EYS: variants seen among roughly 807,000 people sequenced by gnomAD.
The protein encoded by EYS is protein eyes shut homolog.
In EYS, 250 loss-of-function variants were observed where a neutral mutation model predicts 282.1. The ratio of observed to expected loss-of-function variants is 0.89; its 90% CI spans 0.80 to 0.98. The LOEUF (loss-of-function observed/expected upper bound fraction) is 0.98, where lower values mean the gene tolerates loss of function less well. Ranked by LOEUF, EYS falls within the 50% of genes least tolerant of loss-of-function variation. The pLI, the probability that EYS is intolerant of heterozygous loss-of-function variation, is 0.00. For missense variants in EYS, 4,016 were observed against 3,709.0 expected (o/e 1.08, Z -2.15); for synonymous variants, 1,355 against 1,282.9 (o/e 1.06, Z -1.20).
intron 33 of EYS, among the ~76,000 whole-genome samples, chr6:64,059,394 A>T (rs1370447860): frequency 6.6e-6 from 1 of 152,200 alleles, no homozygotes; most frequent in African/African-American, 2.4e-5. Context: ...TAAAAGGCAC[A>T]AATGTGATTA....
intron 22 of EYS, among the ~76,000 whole-genome samples, chr6:64,791,288 ATGT>A (rs986842819): frequency 1.4e-4 from 21 of 151,806 alleles, no homozygotes; most frequent in Middle Eastern, 3.2e-3. Flanking sequence ...TGGTAAATAA[ATGT>A]TGTTAAAATT....
intron 41 of EYS, among the ~76,000 whole-genome samples, chr6:63,735,742 T>C (rs1340304082): frequency 6.6e-6 from 1 of 152,160 alleles, no homozygotes; most frequent in East Asian, 1.9e-4. Flanking sequence ...CAAGGTCTCT[T>C]TTTCCTTTCT....
chr6:64,404,452 G>A (rs1398562403), intron 28 of EYS, among the ~76,000 whole-genome samples: 1 of 151,994 alleles, frequency 6.6e-6, no homozygotes, highest in Admixed American at 6.6e-5. Context: ...AATAGGGAAA[G>A]CCTGGTCTTT....
chr6:64,343,850 C>T lies in EYS; in HGVS notation c.6079-36768G>A, dbSNP rs189498717. Among the ~76,000 whole-genome samples the T allele has an allele frequency of 1.8e-3, 280 of 151,842 alleles. 1 individual carries two copies. The highest frequency in any genetic ancestry group is 5.7e-3 in the African/African-American group (238 of 41,416). On this transcript the variant is annotated intron_variant, in intron 29 of 42. Transcript: ENST00000503581. ...AGAAAAGAGAGAAGAATCAAATAGA[C>T]GCAATAAAAAATGATAAAGGGGATA...
intron 33 of EYS, among the ~76,000 whole-genome samples, chr6:64,031,328 C>T (rs1019121359): frequency 1.2e-4 from 18 of 152,216 alleles, no homozygotes; most frequent in East Asian, 7.7e-4. Flanking sequence ...CTCAATTTCT[C>T]GCCAGGCCTT....
intron 1 of EYS, among the ~76,000 whole-genome samples, chr6:65,655,567 T>A (rs1393004853): frequency 6.6e-6 from 1 of 151,774 alleles, no homozygotes; most frequent in Non-Finnish European, 1.5e-5. Context: ...ACTTAAGGAT[T>A]TTTCATAAAA....
At chr6:64,603,494 G>C (rs1273542079) in intron 24 of EYS, among the ~76,000 whole-genome samples, 1 of 151,932 alleles carries the variant, frequency 6.6e-6, no homozygotes, top group African/African-American at 2.4e-5. Context: ...CATTAGACAG[G>C]AAATCATTCA....
intron 22 of EYS, among the ~76,000 whole-genome samples, chr6:64,633,058 G>T (rs1333848970): frequency 6.6e-6 from 1 of 152,072 alleles, no homozygotes; most frequent in Non-Finnish European, 1.5e-5. Flanking sequence ...TTTATATTAT[G>T]TATCTTGAAG....
intron 35 of EYS, among the ~76,000 whole-genome samples, chr6:63,926,104 GATCATCCT>G (rs1764710108): frequency 6.6e-6 from 1 of 152,158 alleles, no homozygotes; most frequent in East Asian, 1.9e-4. Context: ...TATCCACAGG[GATCATCCT>G]ATCAGCATGG....
chr6:64,028,592 G>T (rs139073305), intron 33 of EYS, among the ~76,000 whole-genome samples: 2,495 of 152,246 alleles, frequency 0.016, 47 homozygotes, highest in African/African-American at 0.05. Flanking sequence ...TGCACTCTGA[G>T]TCCCAGTTCC....
intron 29 of EYS, among the ~76,000 whole-genome samples, chr6:64,355,987 C>T (rs1044312189): frequency 9.2e-5 from 14 of 151,636 alleles, no homozygotes; most frequent in Non-Finnish European, 1.8e-4. Flanking sequence ...TCATTTACTC[C>T]TGACCACATG....
chr6:64,434,117 T>C (rs1280950886), intron 28 of EYS, among the ~76,000 whole-genome samples: 1 of 151,526 alleles, frequency 6.6e-6, no homozygotes, highest in East Asian at 1.9e-4. Flanking sequence ...CTGGTGATCT[T>C]ATTACAAGAG....
intron 19 of EYS, among the ~76,000 whole-genome samples, chr6:64,881,030 C>G (rs990940502): frequency 6.6e-6 from 1 of 151,546 alleles, no homozygotes; most frequent in Admixed American, 6.6e-5. Context: ...TTCTCTGACA[C>G]ACCTGGCCTG....
chr6:64,194,250 A>G (rs539292594), intron 31 of EYS, among the ~76,000 whole-genome samples: 46 of 151,950 alleles, frequency 3.0e-4, no homozygotes, highest in African/African-American at 9.9e-4. Flanking sequence ...TGTTCTTTAT[A>G]TTCAAGAAGT....
chr6:65,011,889 C>G (rs921215014), intron 13 of EYS, among the ~76,000 whole-genome samples: 4 of 152,180 alleles, frequency 2.6e-5, no homozygotes, highest in African/African-American at 7.2e-5. Flanking sequence ...GGCATTCGAG[C>G]TGGCAATGGC....
chr6:64,902,110 C>T lies in EYS; in HGVS notation c.2846+3G>A, dbSNP rs971026701. The T allele has an allele frequency of 1.3e-6, 2 of 1,531,316 alleles. No individual in the cohort carries two copies. Among genetic ancestry groups the T allele is most frequent in the Non-Finnish European group, 1.8e-6 (2 of 1,134,816 alleles). 94.9% of individuals were successfully genotyped at this position (1,531,316 alleles called of 1,614,324 possible). A position where few individuals can be genotyped will look rare whatever the true frequency, so the allele number is the denominator to read the frequency against. The stretch of plus-strand genomic sequence containing the variant: ...ATTAATTTAATAAAAAGTAGCTTCT[C>T]ACCTGTTTGTCAGATCCACACATGT... On this transcript the variant is annotated splice_donor_region_variant and intron_variant, in intron 18 of 42. Coordinates refer to ENST00000503581, the MANE Select transcript of EYS (RefSeq NM_001142800.2).
At chr6:64,177,332 C>CTG (rs1166487601) in intron 31 of EYS, among the ~76,000 whole-genome samples, 3 of 147,424 alleles carry the variant, frequency 2.0e-5, no homozygotes, top group African/African-American at 7.8e-5. Context: ...ATTTCACACA[C>CTG]TGTATATATA....
chr6:63,868,591 A>C (rs1772724973), intron 35 of EYS, among the ~76,000 whole-genome samples: 1 of 152,082 alleles, frequency 6.6e-6, no homozygotes, highest in Non-Finnish European at 1.5e-5. Context: ...GTCTCCAGAT[A>C]GTTCTGAAAA....
chr6:65,698,714 G>A (rs2149850303), intron 1 of EYS, among the ~76,000 whole-genome samples: 1 of 152,180 alleles, frequency 6.6e-6, no homozygotes, highest in Non-Finnish European at 1.5e-5. Flanking sequence ...CCATGCTGCA[G>A]GTGTCTATAC....
Sources: allele counts gnomAD v4.1 joint callset (sites outside exome capture counted in the v4.1 genomes callset), GRCh38; gene constraint gnomAD v4.1.1; transcripts MANE v1.5; gene names NCBI Gene and HGNC (gene_info 2026-07-23, HGNC 2026-07-21).